CC2D2B: variants seen among roughly 807,000 people sequenced by gnomAD.
CC2D2B encodes protein CC2D2B.
Under a neutral mutation model 161.2 loss-of-function variants are expected in CC2D2B, and 128 were observed. The observed-to-expected ratio is 0.79, with a 90% confidence interval of 0.69 to 0.92. CC2D2B has a LOEUF of 0.92. Among genes scored for constraint, CC2D2B ranks in the 40% least tolerant of loss-of-function variants. CC2D2B has a pLI of 0.00. For synonymous variants in CC2D2B, 391 were observed against 449.8 expected (o/e 0.87, Z 1.65); for missense variants, 1,173 against 1,375.1 (o/e 0.85, Z 2.32).
At chr10:95,970,624 C>T (rs2077094266) in intron 15 of CC2D2B, among the ~76,000 whole-genome samples, 1 of 152,190 alleles carries the variant, frequency 6.6e-6, no homozygotes, top group African/African-American at 2.4e-5. Flanking sequence ...GGCCTCCAGC[C>T]TGTAGTCCAA....
At chr10:95,989,048 ATCT>A (rs2077844778) in intron 20 of CC2D2B, among the ~76,000 whole-genome samples, 1 of 152,244 alleles carries the variant, frequency 6.6e-6, no homozygotes, top group Admixed American at 6.5e-5. Context: ...ACCCACCTAC[ATCT>A]TCTTTGCTGT....
chr10:95,947,455 AAAAG>A (rs1262779420), intron 9 of CC2D2B, among the ~76,000 whole-genome samples: 8 of 151,396 alleles, frequency 5.3e-5, no homozygotes, highest in African/African-American at 1.9e-4. Flanking sequence ...TTACTTAAAA[AAAAG>A]GTGGTCAGGT....
In CC2D2B at chr10:96,033,156, C is replaced by T. The variant is rs1564692980; in HGVS notation, c.*1148C>T. Reference sequence around the variant, plus strand: ...ATTCACCTCTCCCATTGAAGAACCACTGAGGTTTCTTGGTTCACTCCCACA... The same window carrying T: ...ATTCACCTCTCCCATTGAAGAACCATTGAGGTTTCTTGGTTCACTCCCACA... On this transcript the variant is annotated 3_prime_UTR_variant, in exon 35 of 35. Coordinates refer to ENST00000646931, the MANE Select transcript of CC2D2B (RefSeq NM_001349008.3). Among the ~76,000 whole-genome samples the T allele has an allele frequency of 6.6e-6, 1 of 152,166 alleles. No individual in the cohort carries two copies. The highest frequency in any genetic ancestry group is 1.5e-5 in the Non-Finnish European group (1 of 68,040).
chr10:95,947,106 T>C (rs1409753181), intron 9 of CC2D2B, among the ~76,000 whole-genome samples: 1 of 37,184 alleles, frequency 2.7e-5, no homozygotes, highest in African/African-American at 1.8e-4. Context: ...TATATATATA[T>C]ATATATATTT....
intron 17 of CC2D2B, 63 bp from the exon 18 acceptor site, chr10:95,981,912 A>ATTATATATAATACACTG: frequency 3.6e-6 from 3 of 822,404 alleles, no homozygotes; most frequent in Non-Finnish European, 4.9e-6. Flanking sequence ...ATAACAGTGT[A>ATTATATATAATACACTG]TTATATATAA....
chr10:95,970,047 T>G (rs1376533517), intron 15 of CC2D2B, among the ~76,000 whole-genome samples: 1 of 151,884 alleles, frequency 6.6e-6, no homozygotes, highest in Non-Finnish European at 1.5e-5. Context: ...TTTTTTTTTT[T>G]TTTTCTAAGA....
At chr10:95,956,918 T>C (rs542921703) in intron 11 of CC2D2B, among the ~76,000 whole-genome samples, 2 of 152,324 alleles carry the variant, frequency 1.3e-5, no homozygotes, top group South Asian at 2.1e-4. Context: ...TTAAAAAATG[T>C]TTTAAATCTG....
chr10:96,023,962 A>G (rs1359289465), intron 32 of CC2D2B, among the ~76,000 whole-genome samples: 1 of 152,156 alleles, frequency 6.6e-6, no homozygotes, highest in Non-Finnish European at 1.5e-5. Flanking sequence ...CTTTTTACAC[A>G]ACCCTCATTC....
intron 17 of CC2D2B, among the ~76,000 whole-genome samples, chr10:95,981,264 T>C (rs1015832916): frequency 2.0e-5 from 3 of 152,074 alleles, no homozygotes; most frequent in East Asian, 1.9e-4. Context: ...TGGTAGCACG[T>C]GCCTGTAGTC....
chr10:95,918,805 C>A (rs1209238304), intron 2 of CC2D2B: 5 of 152,012 alleles, frequency 3.3e-5, no homozygotes, highest in Middle Eastern at 6.8e-3. Flanking sequence ...ATTTTCTATT[C>A]TTTTTCTTTT....
intron 9 of CC2D2B, among the ~76,000 whole-genome samples, chr10:95,940,598 A>C (rs1467214926): frequency 6.6e-6 from 1 of 152,120 alleles, no homozygotes; most frequent in Non-Finnish European, 1.5e-5. Context: ...GTCATATTTC[A>C]TTTCATCCAC....
chr10:95,936,858 C>T (rs66530311), intron 6 of CC2D2B, among the ~76,000 whole-genome samples: 21,124 of 152,100 alleles, frequency 0.14, 1,552 homozygotes, highest in Middle Eastern at 0.2. Context: ...AGGTGGAAAG[C>T]CCTGGCCCAC....
Position 95,966,202 on chromosome 10 carries a change from C to T in CC2D2B, c.1366C>T (p.Leu456=). 8.2e-7 allele frequency: 1 copy of T among 1,213,346 alleles called. No individual in the cohort carries two copies. Among genetic ancestry groups the T allele is most frequent in the South Asian group, 4.2e-5 (1 of 23,986 alleles). 75.2% of individuals were successfully genotyped at this position (1,213,346 alleles called of 1,614,324 possible). A position where few individuals can be genotyped will look rare whatever the true frequency, so the allele number is the denominator to read the frequency against. Residue 456 remains leucine, a synonymous_variant, in exon 14 of 35, where the codon CTA becomes TTA. Coordinates refer to ENST00000646931, the MANE Select transcript of CC2D2B (RefSeq NM_001349008.3). ...TTTTGATTTCTAGAGCCTCTCATATCTAGCTTCAGACGAAACAGAAATTGA... is the reference window on the plus strand; with the variant it reads ...TTTTGATTTCTAGAGCCTCTCATATTTAGCTTCAGACGAAACAGAAATTGA... The part of the protein sequence containing the change: ...NGKKLESLSY[L]ASDETEIERI...
intron 17 of CC2D2B, among the ~76,000 whole-genome samples, chr10:95,974,988 A>G (rs549626528): frequency 6.6e-6 from 1 of 152,306 alleles, no homozygotes; most frequent in South Asian, 2.1e-4. Flanking sequence ...AATGTAAACT[A>G]TGGACTTTGA....
chr10:96,019,952 A>T, intron 32 of CC2D2B, 128 bp downstream of exon 32: 1 of 877,788 alleles, frequency 1.1e-6, no homozygotes. Flanking sequence ...TATTAATTTA[A>T]AAACTAGTTT....
At chr10:95,999,892 T>A in intron 24 of CC2D2B, 1 of 495,158 alleles carries the variant, frequency 2.0e-6, no homozygotes, top group South Asian at 1.8e-5. Context: ...CCAGGTACCT[T>A]TCTCTCTGGC....
At chr10:95,995,839 T>G (rs1590803375) in intron 23 of CC2D2B, among the ~76,000 whole-genome samples, 1 of 152,342 alleles carries the variant, frequency 6.6e-6, no homozygotes, top group Middle Eastern at 3.4e-3. Flanking sequence ...CTGAATAATT[T>G]TCATACCTTA....
At chr10:95,909,555 G>T (rs2098502328) in intron 1 of CC2D2B, among the ~76,000 whole-genome samples, 1 of 152,200 alleles carries the variant, frequency 6.6e-6, no homozygotes, top group African/African-American at 2.4e-5. Flanking sequence ...ATTCAGATCT[G>T]CTAAGGAAGG....
At chr10:95,915,202 T>C (rs1242852104) in intron 2 of CC2D2B, among the ~76,000 whole-genome samples, 1 of 152,234 alleles carries the variant, frequency 6.6e-6, no homozygotes, top group East Asian at 1.9e-4. Flanking sequence ...TAGATTTCTT[T>C]TTCAGATTGT....
Sources: allele counts gnomAD v4.1 joint callset (sites outside exome capture counted in the v4.1 genomes callset), GRCh38; gene constraint gnomAD v4.1.1; transcripts MANE v1.5; gene names NCBI Gene and HGNC (gene_info 2026-07-23, HGNC 2026-07-21).